The following PHF12 variants were observed in gnomAD, a reference collection of about 807,000 sequenced individuals.
PHF12 encodes PHD factor 1.
Under a neutral mutation model 99.8 loss-of-function variants are expected in PHF12, and 6 were observed. The observed-to-expected ratio is 0.06, with a 90% CI of 0.03 to 0.12. The LOEUF is 0.12. Ranked by LOEUF, PHF12 falls within the 10% of genes least tolerant of loss-of-function variation. The probability of loss-of-function intolerance (pLI) is 1.00; values close to 1 mark genes in which losing one functional copy is unlikely to be tolerated. For missense variants in PHF12, 954 were observed against 1,300.1 expected, an observed-to-expected ratio of 0.73 and a Z score of 4.09; for synonymous variants, 480 against 514.9, an observed-to-expected ratio of 0.93 and a Z score of 0.92.
chr17:28,906,091 T>C lies in PHF12; in HGVS notation c.*92A>G. On this transcript the variant is annotated 3_prime_UTR_variant, in exon 15 of 15. Transcript: ENST00000332830. This position sits in a 1 kb window ranked among gnomAD's most constrained non-coding sequence, Gnocchi z 4.2. Reference sequence around the variant, plus strand: ...TGTAGTTGAAGGGTTTCTGGTAGAGTATAGAAAACACCCGGGCTTGGTTTG... The same window carrying C: ...TGTAGTTGAAGGGTTTCTGGTAGAGCATAGAAAACACCCGGGCTTGGTTTG... The C allele has an allele frequency of 2.4e-6, 3 of 1,247,832 alleles. No individual in the cohort carries two copies. The highest frequency in any genetic ancestry group is 3.0e-5 in the South Asian group (2 of 65,788). The allele number at this position is 1,247,832 out of a possible 1,614,324, so 77.3% of individuals were successfully genotyped here.
Position 28,950,208 on chromosome 17 carries a change from C to T in PHF12, c.105G>A (p.Glu35=), listed in dbSNP as rs2040784152. ...QALLAPPKTD[E]AEKRSRKPEK... Reference sequence around the variant, plus strand: ...CAGGCTTCCGACTGCGCTTTTCTGCCTCGTCCGTCTTGGGGGGAGCCAGCA... The same window carrying T: ...CAGGCTTCCGACTGCGCTTTTCTGCTTCGTCCGTCTTGGGGGGAGCCAGCA... The change falls in exon 2 of 15, where the codon GAG becomes GAA. Residue 35 remains glutamate, a synonymous_variant. Coordinates refer to ENST00000332830, the MANE Select transcript of PHF12 (RefSeq NM_001033561.2). This position sits in a 1 kb window ranked among gnomAD's most constrained non-coding sequence, Gnocchi z 5.7. The T allele has an allele frequency of 1.2e-6, 2 of 1,612,558 alleles. No individual in the cohort carries two copies. The highest frequency in any genetic ancestry group is 1.3e-5 in the African/African-American group (1 of 74,880).
intron 2 of PHF12, among the ~76,000 whole-genome samples, chr17:28,947,732 A>G (rs1378896976): frequency 6.6e-6 from 1 of 152,228 alleles, no homozygotes; most frequent in Admixed American, 6.5e-5. Context: ...CTTTGCACCA[A>G]TATCTACAAT....
At chr17:28,912,067 C>T (rs949330169) in intron 9 of PHF12, 1 of 1,006,020 alleles carries the variant, frequency 9.9e-7, no homozygotes, top group African/African-American at 1.7e-5. Flanking sequence ...TGAATCCATT[C>T]TTTTGTGTGG....
intron 11 of PHF12, chr17:28,909,153 G>A: frequency 2.4e-6 from 1 of 418,024 alleles, no homozygotes; most frequent in Non-Finnish European, 4.4e-6. Flanking sequence ...TGGGCTCCTG[G>A]CTGGCTAATC....
chr17:28,947,019 T>C (rs1469396403), intron 2 of PHF12, among the ~76,000 whole-genome samples: 1 of 152,136 alleles, frequency 6.6e-6, no homozygotes, highest in Non-Finnish European at 1.5e-5. Context: ...GGTCTTACTC[T>C]GTCACCTAGG....
In PHF12 at chr17:28,923,530, C is replaced by T. The variant is rs548671617; in HGVS notation, c.715+379G>A. Reference sequence around the variant, plus strand: ...AAAATTAGCCAGGCATGGTAGCATGCGCCTGTAGTCCCAGCTACTTGGAAG... The same window carrying T: ...AAAATTAGCCAGGCATGGTAGCATGTGCCTGTAGTCCCAGCTACTTGGAAG... On this transcript the variant is annotated intron_variant, in intron 4 of 14. Coordinates refer to ENST00000332830, the MANE Select transcript of PHF12 (RefSeq NM_001033561.2). 3.1e-4 allele frequency among the ~76,000 whole-genome samples: 47 copies of T among 150,556 alleles called. No homozygotes were observed. In the South Asian group the frequency reaches 4.2e-3, roughly 13 times the overall value.
chr17:28,911,309 A>G, intron 9 of PHF12, 72 bp from the exon 10 acceptor site: 1 of 1,592,206 alleles, frequency 6.3e-7, no homozygotes, highest in East Asian at 2.2e-5. Flanking sequence ...CCCACTGCTG[A>G]GACAGGTCTG....
intron 12 of PHF12, 75 bp from the exon 13 acceptor site, chr17:28,907,747 C>T: frequency 7.0e-7 from 1 of 1,430,576 alleles, no homozygotes; most frequent in Non-Finnish European, 9.8e-7. Flanking sequence ...GGAGGTAAGA[C>T]AGGGAGAGAG....
At chr17:28,907,193 C>A in intron 13 of PHF12, 199 bp from the exon 14 acceptor site, 1 of 580,106 alleles carries the variant, frequency 1.7e-6, no homozygotes, top group East Asian at 2.9e-5. Flanking sequence ...TCCCACACTC[C>A]CTACTCTCCC....
chr17:28,941,035 CAG>C (rs1431773593), intron 2 of PHF12, among the ~76,000 whole-genome samples: 1 of 142,210 alleles, frequency 7.0e-6, no homozygotes, highest in East Asian at 2.0e-4. Flanking sequence ...GGGGGGAAAA[CAG>C]ACTTTTTTTT....
At chr17:28,917,178 T>C in intron 7 of PHF12, 107 bp downstream of exon 7, 1 of 1,484,142 alleles carries the variant, frequency 6.7e-7, no homozygotes, top group Non-Finnish European at 9.3e-7. Context: ...CACAAACCTA[T>C]TTCTGGGGCT....
chr17:28,923,395 C>T (rs1450705717), intron 4 of PHF12, among the ~76,000 whole-genome samples: 3 of 150,746 alleles, frequency 2.0e-5, no homozygotes, highest in African/African-American at 7.3e-5. Context: ...TGGTGACTCG[C>T]ACCTGTAATC....
In PHF12 at chr17:28,924,115, C is replaced by T; in HGVS notation, c.509G>A (p.Ser170Asn). ...RASRPGTPTS[S>N]ASTETPTSEQ... is the part of the protein sequence containing the mutation. The stretch of plus-strand genomic sequence containing the variant: ...AGAGGTGGGAGTCTCTGTGCTGGCG[C>T]TGGATGTGGGTGTGCCAGGCCTGCT... The change falls in exon 4 of 15, where the codon AGC (serine) becomes AAC (asparagine). Residue 170 changes from serine (S) to asparagine (N), a missense_variant. Ser to Asn is a conservative substitution (Grantham distance 46). Transcript: ENST00000332830. 3.1e-6 allele frequency: 5 copies of T among 1,614,210 alleles called. No individual in the cohort carries two copies. The highest frequency in any genetic ancestry group is 4.2e-6 in the Non-Finnish European group (5 of 1,180,036).
chr17:28,906,154 A>G lies in PHF12; in HGVS notation c.*29T>C, dbSNP rs779191912. 1.3e-6 allele frequency: 2 copies of G among 1,563,302 alleles called. No individual in the cohort carries two copies. Among genetic ancestry groups the G allele is most frequent in the Non-Finnish European group, 1.7e-6 (2 of 1,147,976 alleles). ...CATTGCAGGAGTCTTGGGTGGGTGTACAGGCCAGTGGCGGGGTAGCCGCCA... is the reference window on the plus strand; with the variant it reads ...CATTGCAGGAGTCTTGGGTGGGTGTGCAGGCCAGTGGCGGGGTAGCCGCCA... On this transcript the variant is annotated 3_prime_UTR_variant, in exon 15 of 15. Coordinates refer to ENST00000332830, the MANE Select transcript of PHF12 (RefSeq NM_001033561.2). This position sits in a 1 kb window ranked among gnomAD's most constrained non-coding sequence, Gnocchi z 4.2.
At chr17:28,946,886 A>G (rs941765015) in intron 2 of PHF12, among the ~76,000 whole-genome samples, 6 of 152,088 alleles carry the variant, frequency 3.9e-5, no homozygotes, top group Non-Finnish European at 7.4e-5. Flanking sequence ...TATCATTATC[A>G]TGCCTACCTA....
At chr17:28,934,614 T>A (rs1054036355) in intron 2 of PHF12, among the ~76,000 whole-genome samples, 1 of 149,028 alleles carries the variant, frequency 6.7e-6, no homozygotes, top group Non-Finnish European at 1.5e-5. Context: ...TTTTCTATTT[T>A]TTTTTTTTTT....
chr17:28,908,992 G>C, intron 11 of PHF12, 111 bp from the exon 12 acceptor site: 1 of 990,568 alleles, frequency 1.0e-6, no homozygotes, highest in South Asian at 1.5e-5. Flanking sequence ...AATCCCGCTG[G>C]ATGACTCATC....
intron 2 of PHF12, chr17:28,944,456 T>C (rs1421355554): frequency 1.0e-6 from 1 of 954,558 alleles, no homozygotes; most frequent in Non-Finnish European, 1.2e-6. Context: ...CCCTAAGCCC[T>C]ACATTAAGAA....
chr17:28,916,122 AGTTT>A (rs1372679261), intron 7 of PHF12, among the ~76,000 whole-genome samples: 1 of 152,234 alleles, frequency 6.6e-6, no homozygotes, highest in Non-Finnish European at 1.5e-5. Context: ...TGCCCAGTTA[AGTTT>A]GTTATACAAT....
Sources: gnomAD v4.1 joint callset for allele counts (sites outside exome capture counted in the v4.1 genomes callset) on GRCh38, gnomAD v4.1.1 for gene constraint, Gnocchi (gnomAD v3.1) non-coding constraint, MANE v1.5 for transcripts, NCBI Gene and HGNC (gene_info 2026-07-23, HGNC 2026-07-21) for gene names.